RBFOX3: variants seen among roughly 807,000 people sequenced by gnomAD.
RBFOX3 encodes the protein RNA binding protein fox-1 homolog 3.
A neutral mutation model predicts 48.7 loss-of-function variants in RBFOX3; 17 were observed. The observed-to-expected ratio is 0.35, with a 90% CI of 0.24 to 0.52. The LOEUF (loss-of-function observed/expected upper bound fraction) is 0.52, where lower values mean the gene tolerates loss of function less well. Ranked by LOEUF, RBFOX3 falls within the 20% of genes least tolerant of loss-of-function variation. The probability of loss-of-function intolerance (pLI) is 0.94; values close to 1 mark genes in which losing one functional copy is unlikely to be tolerated. For synonymous variants in RBFOX3, 212 were observed against 209.5 expected (o/e 1.01, Z -0.10); for missense variants, 382 against 497.5 (o/e 0.77, Z 2.21).
chr17:79,448,536 C>A (rs543547069), intron 2 of RBFOX3, among the ~76,000 whole-genome samples: 14 of 152,298 alleles, frequency 9.2e-5, no homozygotes, highest in African/African-American at 3.4e-4. Flanking sequence ...CAAGGAACAC[C>A]TGGGGCCGAG....
At position 79,517,738 on chromosome 17, in the gene RBFOX3, G is replaced by C. The variant is rs980010562; in HGVS notation, c.-319-35140C>G. On this transcript the variant is annotated intron_variant, in intron 1 of 14. Transcript: ENST00000693108. The stretch of plus-strand genomic sequence containing the variant: ...AAACCCCACGGTCATTAAATAGATT[G>C]TGTTGGGGGAAAGTTATCATTTCGG... 5.2e-3 allele frequency among the ~76,000 whole-genome samples: 788 copies of C among 152,274 alleles called. 7 individuals are homozygous for C. Among genetic ancestry groups the C allele is most frequent in the African/African-American group, 0.018 (744 of 41,550 alleles).
chr17:79,124,592 G>C (rs1238013582), intron 4 of RBFOX3, among the ~76,000 whole-genome samples: 2 of 152,238 alleles, frequency 1.3e-5, no homozygotes, highest in Non-Finnish European at 2.9e-5. Context: ...TGGCAAAAGT[G>C]AACCAGGGGC....
intron 2 of RBFOX3, among the ~76,000 whole-genome samples, chr17:79,374,944 C>T (rs977407282): frequency 2.6e-5 from 4 of 152,158 alleles, no homozygotes; most frequent in South Asian, 2.1e-4. Flanking sequence ...CCCCAAGCTG[C>T]GGCTGCTTCC....
At chr17:79,569,811 T>C (rs941983334) in intron 1 of RBFOX3, among the ~76,000 whole-genome samples, 9 of 152,168 alleles carry the variant, frequency 5.9e-5, no homozygotes, top group Admixed American at 3.3e-4. Context: ...TATGAACAGA[T>C]GAATTATGGA....
At chr17:79,248,487 C>T (rs889538891) in intron 3 of RBFOX3, among the ~76,000 whole-genome samples, 1 of 152,212 alleles carries the variant, frequency 6.6e-6, no homozygotes, top group African/African-American at 2.4e-5. Flanking sequence ...AAGATGCCTT[C>T]TACCCGGGAG....
chr17:79,650,922 T>TGACA, the RBFOX3 span, among the ~76,000 whole-genome samples: 1 of 152,076 alleles, frequency 6.6e-6, no homozygotes, highest in East Asian at 1.9e-4. Flanking sequence ...CTCGTGGGGG[T>TGACA]GACAGGGTCC....
chr17:79,401,848 G>A (rs1018597034), intron 2 of RBFOX3, among the ~76,000 whole-genome samples: 2 of 152,208 alleles, frequency 1.3e-5, no homozygotes, highest in Non-Finnish European at 2.9e-5. Context: ...GCCTCCCGAG[G>A]GAGCGCGGCC....
intron 2 of RBFOX3, among the ~76,000 whole-genome samples, chr17:79,412,881 G>T (rs559162206): frequency 4.8e-4 from 73 of 151,914 alleles, no homozygotes; most frequent in Non-Finnish European, 8.7e-4. Flanking sequence ...GTGTATGCAC[G>T]TGTTGTGTAT....
intron 1 of RBFOX3, chr17:79,600,374 CGTGTGCAT>C (rs1166456183): frequency 6.6e-6 from 1 of 152,138 alleles, no homozygotes; most frequent in African/African-American, 2.4e-5. Context: ...ACAATCTACA[CGTGTGCAT>C]GTGTGCACTG....
At chr17:79,202,105 C>T (rs1312699060) in intron 4 of RBFOX3, among the ~76,000 whole-genome samples, 1 of 152,168 alleles carries the variant, frequency 6.6e-6, no homozygotes, top group Non-Finnish European at 1.5e-5. Context: ...GGTGCACTGA[C>T]AGGCTTCCCC....
chr17:79,310,311 T>C (rs2076672556), intron 2 of RBFOX3, among the ~76,000 whole-genome samples: 1 of 152,132 alleles, frequency 6.6e-6, no homozygotes. Flanking sequence ...GTCCAGGCCC[T>C]TCACAGTCAG....
chr17:79,241,992 G>C (rs948859457), intron 3 of RBFOX3, among the ~76,000 whole-genome samples: 1 of 152,208 alleles, frequency 6.6e-6, no homozygotes, highest in Non-Finnish European at 1.5e-5. Context: ...GGGAGTGACC[G>C]ACATTTAGTG....
the RBFOX3 span, among the ~76,000 whole-genome samples, chr17:79,658,846 A>C: frequency 1.6e-4 from 24 of 152,244 alleles, no homozygotes; most frequent in Non-Finnish European, 2.8e-4. Flanking sequence ...CACAGACAGG[A>C]AGCCTACAGG....
the RBFOX3 span, among the ~76,000 whole-genome samples, chr17:79,620,359 G>T: frequency 7.8e-6 from 1 of 128,764 alleles, no homozygotes; most frequent in African/African-American, 3.0e-5. Context: ...ACACGGACAT[G>T]GACACACACG....
At chr17:79,630,139 A>C in the RBFOX3 span, among the ~76,000 whole-genome samples, 1,036 of 152,346 alleles carry the variant, frequency 6.8e-3, 8 homozygotes, top group Non-Finnish European at 0.011. Flanking sequence ...ACCAGCTCAC[A>C]GGGGAAGGAA....
chr17:79,224,205 C>T (rs2060056278), intron 4 of RBFOX3, among the ~76,000 whole-genome samples: 1 of 151,858 alleles, frequency 6.6e-6, no homozygotes, highest in Non-Finnish European at 1.5e-5. Context: ...CTCCCCACCG[C>T]AGATGCCTCC....
chr17:79,637,961 T>A, the RBFOX3 span, among the ~76,000 whole-genome samples: 2 of 152,074 alleles, frequency 1.3e-5, no homozygotes, highest in Non-Finnish European at 2.9e-5. Flanking sequence ...TTCACAAATA[T>A]GTGGAAACTA....
At chr17:79,530,211 G>A (rs2087509094) in intron 1 of RBFOX3, among the ~76,000 whole-genome samples, 2 of 152,172 alleles carry the variant, frequency 1.3e-5, no homozygotes, top group African/African-American at 4.8e-5. Context: ...GCACCACGGA[G>A]AGAGTGGACT....
chr17:79,325,872 A>G (rs1422359762), intron 2 of RBFOX3, among the ~76,000 whole-genome samples: 2 of 152,146 alleles, frequency 1.3e-5, no homozygotes, highest in African/African-American at 4.8e-5. Context: ...CAGAAAAAGG[A>G]GCCTCCTAGG....
Sources: gnomAD v4.1 joint callset for allele counts (sites outside exome capture counted in the v4.1 genomes callset) on GRCh38, gnomAD v4.1.1 for gene constraint, MANE v1.5 for transcripts, NCBI Gene and HGNC (gene_info 2026-07-23, HGNC 2026-07-21) for gene names.